Variants in ALG1 observed in about 807,000 individuals in gnomAD.
ALG1 encodes chitobiosyldiphosphodolichol beta-mannosyltransferase.
A neutral mutation model predicts 55.1 loss-of-function variants in ALG1; 58 were observed. The ratio of observed to expected loss-of-function variants is 1.05; its 90% CI spans 0.85 to 1.31. The LOEUF (loss-of-function observed/expected upper bound fraction) is 1.31. Ranked by LOEUF, ALG1 falls within the 50% of genes most tolerant of loss-of-function variation. ALG1 has a pLI of 0.00. For missense variants in ALG1, 761 were observed against 598.6 expected, an observed-to-expected ratio of 1.27 and a Z score of -2.83; for synonymous variants, 309 against 247.0, an observed-to-expected ratio of 1.25 and a Z score of -2.35.
At chr16:5,076,955 TG>T (rs1435173216) in intron 4 of ALG1, among the ~76,000 whole-genome samples, 1 of 151,926 alleles carries the variant, frequency 6.6e-6, no homozygotes, top group Non-Finnish European at 1.5e-5. Flanking sequence ...CCACCACGCC[TG>T]GCTAATTTTT....
intron 10 of ALG1, among the ~76,000 whole-genome samples, chr16:5,081,264 C>T (rs1168203644): frequency 2.0e-5 from 3 of 152,194 alleles, no homozygotes; most frequent in Non-Finnish European, 2.9e-5. Context: ...GAGGAGGCCA[C>T]GTCCTTTCAG....
At position 5,078,857 on chromosome 16, in the gene ALG1, G is replaced by C. The variant is rs553396382; in HGVS notation, c.841G>C (p.Val281Leu). The C allele has an allele frequency of 3.1e-6, 5 of 1,611,626 alleles. No homozygotes were observed. The highest frequency in any genetic ancestry group is 4.2e-6 in the Non-Finnish European group (5 of 1,179,786). The change falls in exon 7 of 13, where the codon GTC becomes CTC. Residue 281 changes from valine to leucine, a missense_variant. Physicochemically the swap from Val to Leu is conservative, Grantham distance 32. Coordinates refer to ENST00000262374, the MANE Select transcript of ALG1 (RefSeq NM_019109.5). Reference sequence around the variant, plus strand: ...TCTCCGTGAGCGGCCAGCCCTGCTGGTCAGCAGCACGAGCTGGACAGGTCT... The same window carrying C: ...TCTCCGTGAGCGGCCAGCCCTGCTGCTCAGCAGCACGAGCTGGACAGGTCT... ...TRLRERPALL[V>L]SSTSWTEDED... is the part of the protein sequence containing the mutation.
At chr16:5,072,286 T>C in intron 1 of ALG1, 2 of 1,437,576 alleles carry the variant, frequency 1.4e-6, no homozygotes, top group Non-Finnish European at 1.8e-6. Flanking sequence ...CATTGCGTGG[T>C]CTCACGTAAT....
chr16:5,081,156 G>A, intron 10 of ALG1, 100 bp downstream of exon 10: 2 of 1,313,058 alleles, frequency 1.5e-6, no homozygotes, highest in Non-Finnish European at 2.1e-6. Flanking sequence ...CTGGGGGACG[G>A]GACCTGGGCT....
Position 5,078,429 on chromosome 16 carries a change from C to T in ALG1, c.741-328C>T, listed in dbSNP as rs549041049. 855 of 602,160 alleles carry T rather than the reference C, an allele frequency of 1.4e-3. 7 individuals are homozygous for T. Among genetic ancestry groups the T allele is most frequent in the Middle Eastern group, 3.5e-3 (8 of 2,266 alleles). The allele number at this position is 602,160 out of a possible 1,614,324, so 37.3% of individuals were successfully genotyped here. A position where few individuals can be genotyped will look rare whatever the true frequency, so the allele number is the denominator to read the frequency against. ...AGGAGGGGACCTTTGTGCAGGTCTACGCACCCTGAGGTGTGCCCTGGGTAA... is the reference window on the plus strand; with the variant it reads ...AGGAGGGGACCTTTGTGCAGGTCTATGCACCCTGAGGTGTGCCCTGGGTAA... On this transcript the variant is annotated intron_variant, in intron 6 of 12. Coordinates refer to ENST00000262374, the MANE Select transcript of ALG1 (RefSeq NM_019109.5).
rs886715765 is a variant in ALG1 at position 5,085,857 on chromosome 16, A to G, written c.*976A>G. 2 of 784,172 alleles carry G rather than the reference A, an allele frequency of 2.6e-6. No individual in the cohort carries two copies. The highest frequency in any genetic ancestry group is 3.4e-5 in the African/African-American group (2 of 58,704). The allele number at this position is 784,172 out of a possible 1,614,324, so 48.6% of individuals were successfully genotyped here. A position where few individuals can be genotyped will look rare whatever the true frequency, so the allele number is the denominator to read the frequency against. Reference sequence around the variant, plus strand: ...GTGTCCAAGTCAGTTTACTTGGTTCACAGGTTCCCAGGCCCACCCAGGTGC... The same window carrying G: ...GTGTCCAAGTCAGTTTACTTGGTTCGCAGGTTCCCAGGCCCACCCAGGTGC... On this transcript the variant is annotated 3_prime_UTR_variant, in exon 13 of 13. Transcript: ENST00000262374.
At position 5,071,990 on chromosome 16, in the gene ALG1, C is replaced by A. The variant is rs1295807794; in HGVS notation, c.141C>A (p.Pro47=). ...TGCTGGGCGACGTGGGCCGCAGCCC[C>A]CGTATGCAGTACCACGCGCTGTCGT... is the stretch of plus-strand genomic sequence containing the variant. ...AVVLGDVGRS[P]RMQYHALSLA... Residue 47 remains proline, a synonymous_variant, in exon 1 of 13, where the codon CCC becomes CCA. Coordinates refer to ENST00000262374, the MANE Select transcript of ALG1 (RefSeq NM_019109.5). 1 of 1,597,282 alleles carries A rather than the reference C, an allele frequency of 6.3e-7. No homozygotes were observed. The highest frequency in any genetic ancestry group is 2.3e-5 in the East Asian group (1 of 44,002).
At chr16:5,084,508 C>T (rs1006577379) in intron 12 of ALG1, 30 of 663,100 alleles carry the variant, frequency 4.5e-5, no homozygotes, top group Admixed American at 2.6e-4. Flanking sequence ...ACGTAGAGGC[C>T]GGGAGGTGCT....
At position 5,075,375 on chromosome 16, in the gene ALG1, C is replaced by T. The variant is rs768190163; in HGVS notation, c.391-13C>T. The T allele has an allele frequency of 3.7e-6, 6 of 1,614,084 alleles. No homozygotes were observed. The highest frequency in any genetic ancestry group is 2.2e-5 in the South Asian group (2 of 91,078). On this transcript the variant is annotated splice_polypyrimidine_tract_variant and intron_variant, in intron 3 of 12. Transcript: ENST00000262374. ...TCTGGGTTTCCTCCCCTTCAAGTCT[C>T]TATCTTTCCTAGAACCCCCCAGGTC...
rs1428414601 is a variant in ALG1, at chr16:5,082,587, C to T, written c.1101C>T (p.His367=). 1 of 1,611,936 alleles carries T rather than the reference C, an allele frequency of 6.2e-7. No homozygotes were observed. Among genetic ancestry groups the T allele is most frequent in the Non-Finnish European group, 8.5e-7 (1 of 1,179,882 alleles). Residue 367 remains histidine (H), a synonymous_variant, in exon 11 of 13, where the codon CAC becomes CAT. Coordinates refer to ENST00000262374, the MANE Select transcript of ALG1 (RefSeq NM_019109.5). ...LGSADLGVCL[H]TSSSGLDLPM... Reference sequence around the variant, plus strand: ...CGGCGGACCTGGGTGTCTGTCTGCACACGTCCTCCAGTGGCCTGGACCTGC... The same window carrying T: ...CGGCGGACCTGGGTGTCTGTCTGCATACGTCCTCCAGTGGCCTGGACCTGC...
At chr16:5,078,395 A>T in intron 6 of ALG1, 1 of 587,080 alleles carries the variant, frequency 1.7e-6, no homozygotes, top group Non-Finnish European at 3.2e-6. Flanking sequence ...GGGGTGTCTC[A>T]TGGGGCTAAG....
chr16:5,073,369 T>C (rs761344759), intron 3 of ALG1, 113 bp downstream of exon 3: 1 of 927,264 alleles, frequency 1.1e-6, no homozygotes, highest in Non-Finnish European at 1.7e-6. Context: ...TGTATGGGCG[T>C]TTAAAGACAT....
At chr16:5,080,262 A>G (rs547313646) in intron 9 of ALG1, among the ~76,000 whole-genome samples, 165 of 152,046 alleles carry the variant, frequency 1.1e-3, no homozygotes, top group African/African-American at 3.4e-3. Context: ...ACAGGGTTTC[A>G]CCATGTTGGC....
In ALG1 at chr16:5,084,846, G is replaced by A. The variant is rs1957095896; in HGVS notation, c.1360G>A (p.Val454Met). ...SQQLRWDESW[V>M]QTVLPLVMDT ...GCAGCTCCGATGGGATGAGAGCTGG[G>A]TGCAGACTGTGCTCCCTTTGGTTAT... The change falls in exon 13 of 13, where the codon GTG becomes ATG. Residue 454 changes from valine to methionine, a missense_variant. By Grantham distance (21) the Val-to-Met change is conservative. Transcript: ENST00000262374. The A allele has an allele frequency of 1.9e-6, 3 of 1,596,376 alleles. No homozygotes were observed. In the African/African-American group the frequency reaches 4.0e-5, roughly 21 times the overall value.
In ALG1 at chr16:5,072,977, C is replaced by A; in HGVS notation, c.235C>A (p.Gln79Lys). The A allele has an allele frequency of 3.1e-6, 5 of 1,614,202 alleles. No individual in the cohort carries two copies. The highest frequency in any genetic ancestry group is 4.2e-6 in the Non-Finnish European group (5 of 1,180,026). The change falls in exon 2 of 13, where the codon CAG becomes AAG. Residue 79 changes from glutamine (Q) to lysine (K), a missense_variant. Transcript: ENST00000262374. ...CTCCAAACCCCATGATGAGCTCTTG[C>A]AGAACAACAGAATTCAGATTGTGGG... ...CNSKPHDELLQNNRIQIVGLT... is the reference protein window; with the variant it reads ...CNSKPHDELLKNNRIQIVGLT...
chr16:5,077,322 G>T lies in ALG1; in HGVS notation c.540-123G>T, dbSNP rs114197446. 30 of 833,494 alleles carry T rather than the reference G, an allele frequency of 3.6e-5. No individual in the cohort carries two copies. The African/African-American group carries it at 4.8e-4, about 13-fold the overall frequency. 51.6% of individuals were successfully genotyped at this position (833,494 alleles called of 1,614,324 possible). ...AAAGAAAGAACACTGGCACAGCTGG[G>T]GCTCAGGGAGCTCAAACTCTCCCAG... On this transcript the variant is annotated intron_variant, in intron 4 of 12. Transcript: ENST00000262374.
At position 5,085,653 on chromosome 16, in the gene ALG1, T is replaced by C. The variant is rs2142737292; in HGVS notation, c.*772T>C. The C allele has an allele frequency of 6.2e-7, 1 of 1,610,900 alleles. No individual in the cohort carries two copies. Among genetic ancestry groups the C allele is most frequent in the Non-Finnish European group, 8.5e-7 (1 of 1,178,834 alleles). On this transcript the variant is annotated 3_prime_UTR_variant, in exon 13 of 13. Transcript: ENST00000262374. ...AGTCCTACAGGGTGAGATTCAGCAT[T>C]GCCATCTCCAAGTGCTCTTCGTAGG...
At chr16:5,082,238 G>A (rs1418908588) in intron 10 of ALG1, among the ~76,000 whole-genome samples, 1 of 152,274 alleles carries the variant, frequency 6.6e-6, no homozygotes, top group Admixed American at 6.5e-5. Context: ...AGGTGAACCT[G>A]GGAGGTGGAG....
chr16:5,083,619 G>A, intron 11 of ALG1, 63 bp from the exon 12 acceptor site: 1 of 1,598,826 alleles, frequency 6.3e-7, no homozygotes, highest in East Asian at 2.2e-5. Context: ...AGCCCAGGTG[G>A]GCACCCCAGG....
Sources: gnomAD v4.1 joint callset for allele counts (sites outside exome capture counted in the v4.1 genomes callset) on GRCh38, gnomAD v4.1.1 for gene constraint, MANE v1.5 for transcripts, NCBI Gene and HGNC (gene_info 2026-07-23, HGNC 2026-07-21) for gene names.